Variants in TEAD1 observed in about 807,000 individuals in gnomAD.
TEAD1 encodes the protein transcriptional enhancer factor TEF-1.
Under a neutral mutation model 54.9 loss-of-function variants are expected in TEAD1, and 9 were observed. The ratio of observed to expected loss-of-function variants is 0.16; its 90% CI spans 0.10 to 0.29. The LOEUF (loss-of-function observed/expected upper bound fraction) is 0.29. Among genes scored for constraint, TEAD1 ranks in the 10% least tolerant of loss-of-function variants. The pLI, the probability that TEAD1 is intolerant of heterozygous loss-of-function variation, is 1.00. For missense variants in TEAD1, 387 were observed against 535.9 expected, an observed-to-expected ratio of 0.72 and a Z score of 2.74; for synonymous variants, 200 against 187.8, an observed-to-expected ratio of 1.07 and a Z score of -0.53.
At chr11:12,909,742 C>T (rs1948584495) in intron 10 of TEAD1, among the ~76,000 whole-genome samples, 1 of 152,216 alleles carries the variant, frequency 6.6e-6, no homozygotes, top group African/African-American at 2.4e-5. Context: ...TAGAAGACAT[C>T]TTGCCATTCC....
At chr11:12,682,359 C>T (rs1211868356) in intron 2 of TEAD1, among the ~76,000 whole-genome samples, 1 of 152,152 alleles carries the variant, frequency 6.6e-6, no homozygotes, top group African/African-American at 2.4e-5. Flanking sequence ...TCATTTACCT[C>T]GTGGGAGTGT....
At chr11:12,909,612 C>G (rs1289249373) in intron 10 of TEAD1, among the ~76,000 whole-genome samples, 1 of 152,060 alleles carries the variant, frequency 6.6e-6, no homozygotes, top group Admixed American at 6.6e-5. Context: ...TATAACAAAC[C>G]AGCACGTTCT....
chr11:12,876,081 TA>T (rs1233074988), intron 5 of TEAD1, among the ~76,000 whole-genome samples: 1 of 152,204 alleles, frequency 6.6e-6, no homozygotes, highest in Non-Finnish European at 1.5e-5. Context: ...GTTGGTGTCA[TA>T]AAAGCAATTG....
intron 2 of TEAD1, among the ~76,000 whole-genome samples, chr11:12,743,532 C>G (rs1944687289): frequency 6.6e-6 from 1 of 152,132 alleles, no homozygotes; most frequent in Non-Finnish European, 1.5e-5. Context: ...TCATCTTTGT[C>G]CAGCCCATCT....
intron 2 of TEAD1, among the ~76,000 whole-genome samples, chr11:12,694,829 A>G (rs1458965103): frequency 2.6e-5 from 4 of 152,180 alleles, no homozygotes; most frequent in Admixed American, 2.6e-4. Flanking sequence ...GTAGGTTTAT[A>G]TGGAGTCATT....
intron 12 of TEAD1, among the ~76,000 whole-genome samples, chr11:12,934,780 T>G (rs947989889): frequency 6.6e-6 from 1 of 152,082 alleles, no homozygotes; most frequent in African/African-American, 2.4e-5. Flanking sequence ...CTGTGAGAGA[T>G]GGTACTGCCT....
chr11:12,827,569 A>G (rs1422385321), intron 3 of TEAD1, among the ~76,000 whole-genome samples: 1 of 152,206 alleles, frequency 6.6e-6, no homozygotes, highest in Non-Finnish European at 1.5e-5. Context: ...GAGACAGCAG[A>G]CATTTGAATC....
intron 2 of TEAD1, among the ~76,000 whole-genome samples, chr11:12,758,049 G>A (rs1945019802): frequency 6.6e-6 from 1 of 152,102 alleles, no homozygotes; most frequent in Admixed American, 6.5e-5. Flanking sequence ...CAAAGTGCTA[G>A]GCATTATAGG....
intron 3 of TEAD1, among the ~76,000 whole-genome samples, chr11:12,827,907 C>T (rs1315073751): frequency 6.6e-6 from 1 of 152,204 alleles, no homozygotes; most frequent in Non-Finnish European, 1.5e-5. Flanking sequence ...GCTTTTGTCA[C>T]AGCCCCTCCA....
chr11:12,833,063 A>G (rs566378280), intron 3 of TEAD1, among the ~76,000 whole-genome samples: 2 of 152,372 alleles, frequency 1.3e-5, no homozygotes, highest in East Asian at 1.9e-4. Flanking sequence ...CTCACCAGTA[A>G]TATATCTGAT....
Position 12,943,296 on chromosome 11 carries a change from GA to G in TEAD1, c.*6077del, listed in dbSNP as rs1374490211. On this transcript the variant is annotated 3_prime_UTR_variant, in exon 13 of 13. Transcript: ENST00000527636. ...GCCAGCACTATACCACAGTGTGGAA[GA>G]AATTAGTCAAATGCTTGTTTTCCTG... The G allele has an allele frequency of 6.6e-6, 1 of 152,658 alleles. No homozygotes were observed. Among genetic ancestry groups the G allele is most frequent in the African/African-American group, 2.4e-5 (1 of 41,458 alleles). 9.5% of individuals were successfully genotyped at this position (152,658 alleles called of 1,614,324 possible).
At chr11:12,760,177 T>C (rs1945072481) in intron 2 of TEAD1, among the ~76,000 whole-genome samples, 1 of 152,216 alleles carries the variant, frequency 6.6e-6, no homozygotes, top group Admixed American at 6.5e-5. Context: ...CTAGAGAGGA[T>C]GGACTTGGAC....
chr11:12,692,450 C>T (rs1474175861), intron 2 of TEAD1, among the ~76,000 whole-genome samples: 3 of 152,200 alleles, frequency 2.0e-5, no homozygotes, highest in African/African-American at 7.2e-5. Flanking sequence ...AGAAGTTAAC[C>T]AGCATCCTGG....
intron 3 of TEAD1, among the ~76,000 whole-genome samples, chr11:12,837,805 C>CTTT (rs575848575): frequency 1.3e-5 from 1 of 75,846 alleles, no homozygotes; most frequent in African/African-American, 4.2e-5. Flanking sequence ...CTTCCTTCTT[C>CTTT]TTTTTTTTTT....
At chr11:12,850,613 C>T (rs1483910768) in intron 3 of TEAD1, among the ~76,000 whole-genome samples, 1 of 152,184 alleles carries the variant, frequency 6.6e-6, no homozygotes, top group Non-Finnish European at 1.5e-5. Flanking sequence ...GCTCATAAGT[C>T]CAGTTTCCTC....
At chr11:12,847,247 C>T (rs1216605954) in intron 3 of TEAD1, among the ~76,000 whole-genome samples, 2 of 152,112 alleles carry the variant, frequency 1.3e-5, no homozygotes, top group Non-Finnish European at 2.9e-5. Context: ...CATGCAGGGC[C>T]AGAGGTTGGG....
At chr11:12,860,351 G>A (rs923680490) in intron 3 of TEAD1, among the ~76,000 whole-genome samples, 7 of 152,304 alleles carry the variant, frequency 4.6e-5, no homozygotes, top group Middle Eastern at 3.4e-3. Context: ...TCAGGAATGC[G>A]AATGGATGAC....
chr11:12,680,484 GGCCC>G (rs1217818643), intron 2 of TEAD1, among the ~76,000 whole-genome samples: 2 of 152,162 alleles, frequency 1.3e-5, no homozygotes, highest in Non-Finnish European at 2.9e-5. Context: ...CACTCCCCGA[GGCCC>G]GCCCGCCCGA....
At chr11:12,716,881 A>G (rs1944074514) in intron 2 of TEAD1, among the ~76,000 whole-genome samples, 1 of 152,244 alleles carries the variant, frequency 6.6e-6, no homozygotes, top group African/African-American at 2.4e-5. Context: ...ATTACAGATC[A>G]GAAGCCTGGC....
Sources: gnomAD v4.1 joint callset for allele counts (sites outside exome capture counted in the v4.1 genomes callset) on GRCh38, gnomAD v4.1.1 for gene constraint, MANE v1.5 for transcripts, NCBI Gene and HGNC (gene_info 2026-07-23, HGNC 2026-07-21) for gene names.